The following P2RY14 variants were observed in gnomAD, a reference collection of about 807,000 sequenced individuals.
The protein encoded by P2RY14 is purinergic receptor P2Y14.
In P2RY14, 2 loss-of-function variants were observed where a neutral mutation model predicts 0.9. The observed-to-expected ratio is 2.16, with a 90% CI of 0.88 to 6.79. P2RY14 has a LOEUF of 6.79. P2RY14 is among the 30% of genes most tolerant of loss of function. The probability of loss-of-function intolerance (pLI) is 0.05; values close to 1 mark genes in which losing one functional copy is unlikely to be tolerated. For missense variants in P2RY14, 378 were observed against 400.1 expected, an observed-to-expected ratio of 0.94 and a Z score of 0.47; for synonymous variants, 158 against 147.2, an observed-to-expected ratio of 1.07 and a Z score of -0.53.
At chr3:151,258,851 CAAAAAA>C (rs63714361) in intron 1 of P2RY14, among the ~76,000 whole-genome samples, 2 of 89,930 alleles carry the variant, frequency 2.2e-5, no homozygotes, top group African/African-American at 4.7e-5. Context: ...GATTCTGTCT[CAAAAAA>C]AAAAAAAAAA....
At chr3:151,242,244 G>T (rs6440729) in intron 1 of P2RY14, among the ~76,000 whole-genome samples, 6,013 of 152,328 alleles carry the variant, frequency 0.039, 396 homozygotes, top group African/African-American at 0.14. Flanking sequence ...CAAAGCAGCC[G>T]GGAAGCTCAA....
chr3:151,244,022 G>T (rs1167084093), intron 1 of P2RY14, among the ~76,000 whole-genome samples: 1 of 125,500 alleles, frequency 8.0e-6, no homozygotes, highest in Non-Finnish European at 1.8e-5. Flanking sequence ...GACAAAGAAG[G>T]CCATTACATA....
rs537272398 is a variant in P2RY14, at chr3:151,230,004, C to T, written c.-132-10362G>A. Among the ~76,000 whole-genome samples the T allele has an allele frequency of 3.3e-5, 5 of 151,608 alleles. No individual in the cohort carries two copies. The East Asian group carries it at 7.8e-4, about 24-fold the overall frequency. On this transcript the variant is annotated intron_variant, in intron 1 of 2. Transcript: ENST00000309170. ...TTTGTTTTGGATATGGAGTCTCGCTCTGTTGCCCAGGCTGGAGTGCAGTGG... is the reference window on the plus strand; with the variant it reads ...TTTGTTTTGGATATGGAGTCTCGCTTTGTTGCCCAGGCTGGAGTGCAGTGG...
chr3:151,258,929 G>A (rs573942592), intron 1 of P2RY14, among the ~76,000 whole-genome samples: 107 of 151,894 alleles, frequency 7.0e-4, no homozygotes, highest in African/African-American at 2.5e-3. Flanking sequence ...GTGGATTCAG[G>A]TTGTGTGTGC....
intron 1 of P2RY14, among the ~76,000 whole-genome samples, chr3:151,256,252 T>G (rs1737794465): frequency 6.6e-6 from 1 of 152,160 alleles, no homozygotes; most frequent in African/African-American, 2.4e-5. Context: ...GGAAATAAGA[T>G]CTCATATGCA....
rs962679175 is a variant in P2RY14 at position 151,213,233 on chromosome 3, G to A, written c.*67C>T. The A allele has an allele frequency of 2.5e-6, 3 of 1,213,098 alleles. No homozygotes were observed. The African/African-American group carries it at 4.6e-5, about 18-fold the overall frequency. The allele number at this position is 1,213,098 out of a possible 1,614,324, so 75.1% of individuals were successfully genotyped here. ...TTATGATGAGGGCACATATCTTATT[G>A]ATTTCTGTTATGTAATTGAAGATGA... On this transcript the variant is annotated 3_prime_UTR_variant, in exon 3 of 3. Coordinates refer to ENST00000309170, the MANE Select transcript of P2RY14 (RefSeq NM_014879.4).
intron 1 of P2RY14, chr3:151,248,892 G>A (rs533283405): frequency 2.0e-5 from 3 of 152,280 alleles, no homozygotes; most frequent in South Asian, 2.1e-4. Context: ...TAGGTTCTCT[G>A]TAGGCAAGAT....
chr3:151,261,030 T>G (rs767161339), intron 1 of P2RY14, among the ~76,000 whole-genome samples: 3 of 152,182 alleles, frequency 2.0e-5, no homozygotes, highest in Non-Finnish European at 4.4e-5. Flanking sequence ...TGAGGATCCC[T>G]GTGTGTTTAA....
Position 151,213,406 on chromosome 3 carries a change from T to C in P2RY14, c.911A>G (p.Glu304Gly). The change falls in exon 3 of 3, where the codon GAA (glutamate) becomes GGA (glycine). Residue 304 changes from glutamate (E) to glycine (G), a missense_variant. Physicochemically the swap from Glu to Gly is moderately conservative, Grantham distance 98. Transcript: ENST00000309170. ...IYFFLCQPFR[E>G]ILCKKLHIPL... ...AATGTGCAATTTCTTACATAAGATT[T>C]CCCTAAACGGCTGGCATAGAAAGAA... 1 of 1,614,076 alleles carries C rather than the reference T, an allele frequency of 6.2e-7. No homozygotes were observed. The highest frequency in any genetic ancestry group is 8.5e-7 in the Non-Finnish European group (1 of 1,179,922).
At chr3:151,227,525 G>A (rs1467529302) in intron 1 of P2RY14, among the ~76,000 whole-genome samples, 1 of 152,216 alleles carries the variant, frequency 6.6e-6, no homozygotes, top group Non-Finnish European at 1.5e-5. Flanking sequence ...GCTTGTGGCA[G>A]ACTGCAAGTC....
Position 151,214,081 on chromosome 3 carries a change from A to C in P2RY14, c.236T>G (p.Leu79Arg), listed in dbSNP as rs760361672. The change falls in exon 3 of 3, where the codon CTT (leucine) becomes CGT (arginine). Residue 79 changes from leucine to arginine, a missense_variant. Physicochemically the swap from Leu to Arg is moderately radical, Grantham distance 102. Coordinates refer to ENST00000309170, the MANE Select transcript of P2RY14 (RefSeq NM_014879.4). Reference sequence around the variant, plus strand: ...CCAGGGACCAAGGCCTGAGTCACCAAGGATCTTGAAAGGAAAAGTCAGGCT... The same window carrying C: ...CCAGGGACCAAGGCCTGAGTCACCACGGATCTTGAAAGGAAAAGTCAGGCT... ...VMSLTFPFKI[L>R]GDSGLGPWQL... 6.2e-7 allele frequency: 1 copy of C among 1,614,188 alleles called. No homozygotes were observed. The highest frequency in any genetic ancestry group is 8.5e-7 in the Non-Finnish European group (1 of 1,180,016).
At position 151,213,293 on chromosome 3, in the gene P2RY14, T is replaced by G; in HGVS notation, c.*7A>C. The G allele has an allele frequency of 6.3e-7, 1 of 1,588,304 alleles. No individual in the cohort carries two copies. On this transcript the variant is annotated 3_prime_UTR_variant, in exon 3 of 3. Transcript: ENST00000309170. ...CACGTGGTCTTTCTTTGGAAGAGGG[T>G]AGGAACTCACAAAGTATCTGTGCTT...
chr3:151,244,028 A>G (rs1356430767), intron 1 of P2RY14, among the ~76,000 whole-genome samples: 35 of 121,466 alleles, frequency 2.9e-4, no homozygotes, highest in Non-Finnish European at 5.6e-4. Flanking sequence ...GAAGGCCATT[A>G]CATAATGGTA....
At chr3:151,230,571 T>C (rs1390533767) in intron 1 of P2RY14, among the ~76,000 whole-genome samples, 2 of 121,708 alleles carry the variant, frequency 1.6e-5, no homozygotes, top group Non-Finnish European at 3.3e-5. Context: ...TACTCCACGC[T>C]TTTTTTTTTT....
chr3:151,259,146 G>T (rs138705017), intron 1 of P2RY14, among the ~76,000 whole-genome samples: 156 of 152,298 alleles, frequency 1.0e-3, no homozygotes, highest in African/African-American at 3.3e-3. Context: ...ACCTAAGGTG[G>T]TGCCTCTGCA....
intron 2 of P2RY14, among the ~76,000 whole-genome samples, chr3:151,218,866 C>CAAAAAA (rs397686351): frequency 7.0e-5 from 5 of 71,366 alleles, no homozygotes; most frequent in Non-Finnish European, 1.1e-4. Flanking sequence ...GACTCAGTCT[C>CAAAAAA]AAAAAAAAAA....
At chr3:151,267,797 T>C (rs139844683) in intron 1 of P2RY14, among the ~76,000 whole-genome samples, 1 of 152,168 alleles carries the variant, frequency 6.6e-6, no homozygotes, top group African/African-American at 2.4e-5. Flanking sequence ...GGCAGAGTAA[T>C]AAGAAAGGAA....
rs1727513457 is a variant in P2RY14 at position 151,213,380 on chromosome 3, G to A, written c.937C>T (p.Pro313Ser). 3 of 1,613,660 alleles carry A rather than the reference G, an allele frequency of 1.9e-6. No individual in the cohort carries two copies. Among genetic ancestry groups the A allele is most frequent in the Non-Finnish European group, 2.5e-6 (3 of 1,179,720 alleles). ...REILCKKLHI[P>S]LKAQNDLDIS... ...TCTAGGTCATTCTGAGCTTTTAATG[G>A]AATGTGCAATTTCTTACATAAGATT... The change falls in exon 3 of 3, where the codon CCA becomes TCA. Residue 313 changes from proline to serine, a missense_variant. Coordinates refer to ENST00000309170, the MANE Select transcript of P2RY14 (RefSeq NM_014879.4).
chr3:151,260,986 C>T (rs1314459223), intron 1 of P2RY14, among the ~76,000 whole-genome samples: 1 of 151,988 alleles, frequency 6.6e-6, no homozygotes, highest in Non-Finnish European at 1.5e-5. Flanking sequence ...TGTATGGTGT[C>T]TTTGGTTCTG....
Sources: gnomAD v4.1 joint callset for allele counts (sites outside exome capture counted in the v4.1 genomes callset) on GRCh38, gnomAD v4.1.1 for gene constraint, MANE v1.5 for transcripts, NCBI Gene and HGNC (gene_info 2026-07-23, HGNC 2026-07-21) for gene names.